The following SLC24A2 variants were observed in gnomAD, a reference collection of about 807,000 sequenced individuals.
SLC24A2 encodes the protein solute carrier family 24 member 2.
Under a neutral mutation model 62.0 loss-of-function variants are expected in SLC24A2, and 36 were observed. That is an observed-to-expected ratio of 0.58 (90% CI 0.44 to 0.77). The LOEUF is 0.77. Among genes scored for constraint, SLC24A2 ranks in the 30% least tolerant of loss-of-function variants. The pLI is 0.00. For synonymous variants in SLC24A2, 358 were observed against 294.0 expected, an observed-to-expected ratio of 1.22 and a Z score of -2.23; for missense variants, 846 against 817.9, an observed-to-expected ratio of 1.03 and a Z score of -0.42.
At chr9:19,963,130 T>C in the SLC24A2 span, among the ~76,000 whole-genome samples, 1 of 150,548 alleles carries the variant, frequency 6.6e-6, no homozygotes, top group Non-Finnish European at 1.5e-5. Flanking sequence ...GGATTCCCTA[T>C]TTAATAAATG....
At chr9:20,120,920 A>G in the SLC24A2 span, among the ~76,000 whole-genome samples, 2 of 144,486 alleles carry the variant, frequency 1.4e-5, no homozygotes, top group African/African-American at 5.1e-5. Context: ...TTTATTGCAA[A>G]TCAATTGATT....
chr9:19,810,032 G>T, the SLC24A2 span, among the ~76,000 whole-genome samples: 1 of 152,098 alleles, frequency 6.6e-6, no homozygotes, highest in Non-Finnish European at 1.5e-5. Context: ...ATTTCAGTTT[G>T]GGAAACTCCG....
the SLC24A2 span, among the ~76,000 whole-genome samples, chr9:20,288,654 A>G: frequency 1.3e-5 from 2 of 151,354 alleles, no homozygotes; most frequent in Admixed American, 6.6e-5. Flanking sequence ...CCTGTTTGGA[A>G]GGCTGATGCA....
intron 2 of SLC24A2, among the ~76,000 whole-genome samples, chr9:19,733,759 G>T (rs1173983137): frequency 6.6e-6 from 1 of 152,164 alleles, no homozygotes; most frequent in Admixed American, 6.6e-5. Flanking sequence ...GGTTGTCTCT[G>T]TTGGGCACCT....
the SLC24A2 span, among the ~76,000 whole-genome samples, chr9:20,155,453 T>G: frequency 4.0e-5 from 6 of 151,864 alleles, no homozygotes; most frequent in Non-Finnish European, 8.8e-5. Flanking sequence ...AGATCATTTA[T>G]TTTTTGCCTC....
In SLC24A2 at chr9:19,514,584, G is replaced by C. The variant is rs558703003; in HGVS notation, c.*1569C>G. ...ACACACAAGGTGTCATACAGAACTT[G>C]GGGGCGTGGAATATTTTAATTTCAT... On this transcript the variant is annotated 3_prime_UTR_variant, in exon 11 of 11. Transcript: ENST00000341998. 2.0e-5 allele frequency: 3 copies of C among 152,140 alleles called. No individual in the cohort carries two copies. Among genetic ancestry groups the C allele is most frequent in the African/African-American group, 7.2e-5 (3 of 41,410 alleles). The allele number at this position is 152,140 out of a possible 1,614,324, so 9.4% of individuals were successfully genotyped here.
At chr9:20,238,265 A>T in the SLC24A2 span, among the ~76,000 whole-genome samples, 7 of 152,210 alleles carry the variant, frequency 4.6e-5, no homozygotes, top group Non-Finnish European at 7.3e-5. Context: ...TATGAATTTT[A>T]AAAAATGGGC....
chr9:19,906,222 T>G, the SLC24A2 span, among the ~76,000 whole-genome samples: 1 of 152,114 alleles, frequency 6.6e-6, no homozygotes, highest in Non-Finnish European at 1.5e-5. Context: ...TGCTCCTGAA[T>G]GACTACTGGG....
At chr9:19,699,315 TC>T (rs1291867596) in intron 2 of SLC24A2, among the ~76,000 whole-genome samples, 1 of 152,172 alleles carries the variant, frequency 6.6e-6, no homozygotes, top group Non-Finnish European at 1.5e-5. Flanking sequence ...TTTCTACCTA[TC>T]CATCTTGCAA....
the SLC24A2 span, among the ~76,000 whole-genome samples, chr9:20,189,125 G>A: frequency 6.8e-6 from 1 of 146,136 alleles, no homozygotes; most frequent in East Asian, 2.0e-4. Flanking sequence ...AGTTCCAGGA[G>A]AAAACATGCT....
intron 2 of SLC24A2, among the ~76,000 whole-genome samples, chr9:19,692,225 C>T (rs1221601900): frequency 6.6e-6 from 1 of 152,078 alleles, no homozygotes; most frequent in Non-Finnish European, 1.5e-5. Flanking sequence ...TTAAGCAGAA[C>T]AAGTCATGTA....
At chr9:20,036,893 T>C in the SLC24A2 span, among the ~76,000 whole-genome samples, 2 of 140,128 alleles carry the variant, frequency 1.4e-5, no homozygotes, top group Non-Finnish European at 3.0e-5. Flanking sequence ...TGTGTGTGCG[T>C]ATATATATGT....
At chr9:19,858,718 G>A in the SLC24A2 span, among the ~76,000 whole-genome samples, 81 of 152,238 alleles carry the variant, frequency 5.3e-4, no homozygotes, top group Admixed American at 2.0e-3. Flanking sequence ...TTTCAAAGAA[G>A]ACATACATGT....
At chr9:19,517,939 ACACACACACACACACACACT>A (rs1002134990) in intron 10 of SLC24A2, among the ~76,000 whole-genome samples, 4 of 148,940 alleles carry the variant, frequency 2.7e-5, no homozygotes, top group South Asian at 4.5e-4. Context: ...ACACACACAC[ACACACACACACACACACACT>A]CTCACACTTC....
chr9:19,747,240 T>A (rs1453251351), intron 2 of SLC24A2, among the ~76,000 whole-genome samples: 1 of 152,118 alleles, frequency 6.6e-6, no homozygotes, highest in African/African-American at 2.4e-5. Context: ...TCTCTCTCCC[T>A]TTCCTCACCA....
the SLC24A2 span, among the ~76,000 whole-genome samples, chr9:20,001,653 G>A: frequency 2.8e-3 from 423 of 152,212 alleles, no homozygotes; most frequent in Non-Finnish European, 4.5e-3. Flanking sequence ...CAACTTTGAG[G>A]CCTGCTTGCC....
the SLC24A2 span, among the ~76,000 whole-genome samples, chr9:19,834,431 C>A: frequency 6.6e-6 from 1 of 151,772 alleles, no homozygotes; most frequent in Admixed American, 6.6e-5. Context: ...GACGAATGCA[C>A]AAGCCTCAGT....
intron 10 of SLC24A2, 147 bp from the exon 11 acceptor site, chr9:19,516,549 A>G (rs2132621469): frequency 2.0e-6 from 2 of 1,007,834 alleles, no homozygotes; most frequent in East Asian, 2.6e-5. Flanking sequence ...TGACTCGGGC[A>G]TGGTTGGCCC....
the SLC24A2 span, among the ~76,000 whole-genome samples, chr9:19,999,732 A>G: frequency 6.6e-6 from 1 of 152,180 alleles, no homozygotes; most frequent in Non-Finnish European, 1.5e-5. Flanking sequence ...TTATGGAATT[A>G]CAGGGCTGAC....
Sources: gnomAD v4.1 joint callset for allele counts (sites outside exome capture counted in the v4.1 genomes callset) on GRCh38, gnomAD v4.1.1 for gene constraint, MANE v1.5 for transcripts, NCBI Gene and HGNC (gene_info 2026-07-23, HGNC 2026-07-21) for gene names.